The following CSMD2 variants were observed in gnomAD, a reference collection of about 807,000 sequenced individuals.
CSMD2 encodes the protein CUB and Sushi multiple domains 2, also known as CUB and sushi domain-containing protein 2.
A neutral mutation model predicts 398.5 loss-of-function variants in CSMD2; 130 were observed. The ratio of observed to expected loss-of-function variants is 0.33; its 90% confidence interval spans 0.28 to 0.38. The LOEUF is 0.38. Among genes scored for constraint, CSMD2 ranks in the 10% least tolerant of loss-of-function variants. CSMD2 has a pLI of 1.00. For missense variants in CSMD2, 3,829 were observed against 4,764.9 expected (o/e 0.80, Z 5.78); for synonymous variants, 1,828 against 1,908.5 (o/e 0.96, Z 1.10).
chr1:33,519,499 T>TGGC lies in CSMD2; in HGVS notation c.*16_*18dup. The TGGC allele has an allele frequency of 6.2e-7, 1 of 1,608,504 alleles. No individual in the cohort carries two copies. The highest frequency in any genetic ancestry group is 1.1e-5 in the South Asian group (1 of 90,818). On this transcript the variant is annotated 3_prime_UTR_variant, in exon 70 of 71. Transcript: ENST00000373381. The surrounding 1 kb of genome is among the most constrained non-coding windows in gnomAD (Gnocchi z 5.6). ...GAGGCGGGGCTCTCGGTGGCGGTGG[T>TGGC]GGCGGCCAGGCCGGGTGGCTATACT...
rs1233581316 is a variant in CSMD2, at chr1:33,602,401, C to G, written c.6678G>C (p.Gln2226His). The G allele has an allele frequency of 1.9e-6, 3 of 1,613,934 alleles. No individual in the cohort carries two copies. In the South Asian group the frequency reaches 3.3e-5, roughly 18 times the overall value. ...TGATGAAATCTCCAGAGGGCTCTGT[C>G]TGCAGCAGGCTGAGGTTGAGGCGGA... Reference protein sequence around the residue: ...HGVRLNLSLLQTEPSGDFITI... With the variant: ...HGVRLNLSLLHTEPSGDFITI... Residue 2226 changes from glutamine (Q) to histidine (H), a missense_variant, in exon 43 of 71, where the codon CAG becomes CAC. This residue lies in a region of CSMD2 where 723 missense variants were observed against 758.6 expected (regional missense o/e 0.95). Transcript: ENST00000373381.
At chr1:33,767,446 G>T (rs1003490419) in intron 13 of CSMD2, among the ~76,000 whole-genome samples, 1 of 152,246 alleles carries the variant, frequency 6.6e-6, no homozygotes. Context: ...CTCCAGATAC[G>T]TCTAGAGATA....
chr1:34,165,167 G>T lies in CSMD2; in HGVS notation c.-70C>A. The T allele has an allele frequency of 8.4e-7, 1 of 1,195,896 alleles. No homozygotes were observed. Among genetic ancestry groups the T allele is most frequent in the South Asian group, 4.2e-5 (1 of 23,708 alleles). 74.1% of individuals were successfully genotyped at this position (1,195,896 alleles called of 1,614,324 possible). A position where few individuals can be genotyped will look rare whatever the true frequency, so the allele number is the denominator to read the frequency against. On this transcript the variant is annotated 5_prime_UTR_variant, in exon 1 of 71. Transcript: ENST00000373381. ...GGAGAAAGGAGGTCAGGAGAGCTCT[G>T]GAGCTTTTTTCTGCTCGGAAAAAAT...
At chr1:34,159,778 G>A (rs973682613) in intron 1 of CSMD2, among the ~76,000 whole-genome samples, 2 of 152,222 alleles carry the variant, frequency 1.3e-5, no homozygotes, top group African/African-American at 4.8e-5. Flanking sequence ...TCCCCTGGGT[G>A]TCCAGAACAG....
intron 3 of CSMD2, among the ~76,000 whole-genome samples, chr1:34,025,225 G>C (rs79736661): frequency 2.0e-5 from 3 of 152,052 alleles, no homozygotes; most frequent in Non-Finnish European, 4.4e-5. Context: ...TGATATTACC[G>C]ATCTTCCATT....
chr1:33,520,765 GC>G (rs2148522376), intron 68 of CSMD2, among the ~76,000 whole-genome samples: 1 of 152,326 alleles, frequency 6.6e-6, no homozygotes, highest in Admixed American at 6.5e-5. Flanking sequence ...GCAGGCAAGG[GC>G]CCCGGCGATG....
Position 33,914,299 on chromosome 1 carries a change from G to A in CSMD2, c.920+3795C>T, listed in dbSNP as rs574231919. On this transcript the variant is annotated intron_variant, in intron 5 of 70. Coordinates refer to ENST00000373381, the MANE Select transcript of CSMD2 (RefSeq NM_001281956.2). ...TAAGGGGGGACAGGTGTGTACATGT[G>A]CTTAAGGTGGTCTGGGGGTGAGGGA... 3.2e-3 allele frequency among the ~76,000 whole-genome samples: 489 copies of A among 152,212 alleles called. 2 individuals are homozygous for A. The highest frequency in any genetic ancestry group is 5.9e-3 in the Admixed American group (90 of 15,284).
At chr1:33,530,563 A>G (rs550132939) in intron 64 of CSMD2, among the ~76,000 whole-genome samples, 22 of 152,302 alleles carry the variant, frequency 1.4e-4, no homozygotes, top group African/African-American at 5.3e-4. Flanking sequence ...AAATAGAACT[A>G]CCATATGATA....
At chr1:33,576,310 T>G (rs6704427) in intron 49 of CSMD2, among the ~76,000 whole-genome samples, 51,043 of 151,926 alleles carry the variant, frequency 0.34, 8,856 homozygotes, top group South Asian at 0.38. Context: ...AACAATAGAG[T>G]CCAGGCGCGG....
At chr1:34,029,180 T>C (rs34100367) in intron 3 of CSMD2, among the ~76,000 whole-genome samples, 15,390 of 152,154 alleles carry the variant, frequency 0.1, 877 homozygotes, top group East Asian at 0.19. Flanking sequence ...GGGGGCCTCT[T>C]CTTTGAAGCC....
At chr1:34,116,529 A>G (rs1380590383) in intron 1 of CSMD2, among the ~76,000 whole-genome samples, 1 of 152,076 alleles carries the variant, frequency 6.6e-6, no homozygotes, top group Non-Finnish European at 1.5e-5. Context: ...AGAAAAATAG[A>G]CAGTAACATG....
chr1:33,825,657 G>T (rs776890001), intron 7 of CSMD2, 40 bp downstream of exon 7: 90 of 1,592,962 alleles, frequency 5.6e-5, no homozygotes, highest in Non-Finnish European at 7.5e-5. Context: ...GTGACCTCAA[G>T]CAAGAGGCCC....
chr1:33,558,738 C>T (rs916930059), intron 54 of CSMD2, among the ~76,000 whole-genome samples: 14 of 152,272 alleles, frequency 9.2e-5, no homozygotes, highest in African/African-American at 3.1e-4. Context: ...ATTCTCTCTG[C>T]CTTTTGAGTC....
intron 1 of CSMD2, among the ~76,000 whole-genome samples, chr1:34,107,815 G>GTTCA (rs541435987): frequency 6.6e-6 from 1 of 152,184 alleles, no homozygotes; most frequent in Non-Finnish European, 1.5e-5. Flanking sequence ...CTATGGTGAG[G>GTTCA]TTCAGCACAG....
intron 68 of CSMD2, among the ~76,000 whole-genome samples, chr1:33,520,194 A>G (rs1356933814): frequency 6.6e-6 from 1 of 152,216 alleles, no homozygotes; most frequent in Non-Finnish European, 1.5e-5. Context: ...CCAGAGGACC[A>G]TCCGCAGAGG....
intron 2 of CSMD2, among the ~76,000 whole-genome samples, chr1:34,069,375 C>T (rs1655467596): frequency 6.6e-6 from 1 of 152,168 alleles, no homozygotes; most frequent in East Asian, 1.9e-4. Context: ...CAACAGAGCA[C>T]AGGAAGGGAA....
intron 29 of CSMD2, among the ~76,000 whole-genome samples, chr1:33,644,144 C>T (rs1279833359): frequency 1.3e-5 from 2 of 151,582 alleles, no homozygotes; most frequent in African/African-American, 4.9e-5. Context: ...TCTTATTCCC[C>T]GGGTTATGGT....
Position 33,633,836 on chromosome 1 carries a change from C to T in CSMD2, c.5087-301G>A, listed in dbSNP as rs1315553644. On this transcript the variant is annotated intron_variant, in intron 31 of 70. Coordinates refer to ENST00000373381, the MANE Select transcript of CSMD2 (RefSeq NM_001281956.2). The surrounding 1 kb of genome is among the most constrained non-coding windows in gnomAD (Gnocchi z 5.0). ...AATGGAGCCAACTTTGTTCCTTTCC[C>T]AGATAGCAGCTGCAGCAGCTATCTG... is the stretch of plus-strand genomic sequence containing the variant. 1.3e-5 allele frequency among the ~76,000 whole-genome samples: 2 copies of T among 152,166 alleles called. No individual in the cohort carries two copies. Among genetic ancestry groups the T allele is most frequent in the African/African-American group, 4.8e-5 (2 of 41,446 alleles).
intron 14 of CSMD2, among the ~76,000 whole-genome samples, chr1:33,740,856 C>A (rs896335468): frequency 6.6e-6 from 1 of 152,124 alleles, no homozygotes; most frequent in African/African-American, 2.4e-5. Flanking sequence ...CACACACAAG[C>A]GCAAATGCAC....
Sources: gnomAD v4.1 joint callset for allele counts (sites outside exome capture counted in the v4.1 genomes callset) on GRCh38, gnomAD v4.1.1 for gene constraint, gnomAD v4.1.1 regional missense constraint, Gnocchi (gnomAD v3.1) non-coding constraint, MANE v1.5 for transcripts, NCBI Gene and HGNC (gene_info 2026-07-23, HGNC 2026-07-21) for gene names.